GABRB1: variants seen among roughly 807,000 people sequenced by gnomAD.
The protein encoded by GABRB1 is gamma-aminobutyric acid receptor subunit beta-1.
A neutral mutation model predicts 51.6 loss-of-function variants in GABRB1; 17 were observed. The observed-to-expected ratio is 0.33, with a 90% CI of 0.23 to 0.49. The LOEUF is 0.49. Among genes scored for constraint, GABRB1 ranks in the 20% least tolerant of loss-of-function variants. The probability of loss-of-function intolerance (pLI) is 0.99; values close to 1 mark genes in which losing one functional copy is unlikely to be tolerated. For synonymous variants in GABRB1, 247 were observed against 218.9 expected, an observed-to-expected ratio of 1.13 and a Z score of -1.14; for missense variants, 410 against 600.6, an observed-to-expected ratio of 0.68 and a Z score of 3.32.
chr4:47,016,638 G>T (rs1724751481), intron 1 of GABRB1, among the ~76,000 whole-genome samples: 1 of 151,966 alleles, frequency 6.6e-6, no homozygotes, highest in Non-Finnish European at 1.5e-5. Context: ...ACCCAGGCTG[G>T]AGTGCAGTGG....
In GABRB1 at chr4:47,224,783, T is replaced by G. The variant is rs79993221; in HGVS notation, c.461+63314T>G. Among the ~76,000 whole-genome samples, 42 of 152,260 alleles carry G rather than the reference T, an allele frequency of 2.8e-4. 1 individual carries two copies. In the East Asian group the frequency reaches 7.6e-3, roughly 27 times the overall value. On this transcript the variant is annotated intron_variant, in intron 4 of 8. Coordinates refer to ENST00000295454, the MANE Select transcript of GABRB1 (RefSeq NM_000812.4). ...TATATAAGCCCCCATGTCCCCTTCC[T>G]TTTCTTTGAGACATTTCTCTTTAAT...
intron 4 of GABRB1, among the ~76,000 whole-genome samples, chr4:47,166,411 T>C (rs1291707028): frequency 3.9e-5 from 6 of 152,080 alleles, no homozygotes; most frequent in South Asian, 2.1e-4. Flanking sequence ...GTGTGAAGAC[T>C]ATGAGGATGA....
upstream of GABRB1, among the ~76,000 whole-genome samples, chr4:47,027,198 C>T: frequency 6.6e-6 from 1 of 151,458 alleles, no homozygotes; most frequent in Non-Finnish European, 1.5e-5. Context: ...ATTTATTTGG[C>T]TAGAATTATA....
chr4:47,222,330 T>C (rs1187904268), intron 4 of GABRB1, among the ~76,000 whole-genome samples: 1 of 152,156 alleles, frequency 6.6e-6, no homozygotes, highest in East Asian at 1.9e-4. Context: ...TGTGGCACGT[T>C]GCTACAGTAA....
chr4:47,130,515 A>T (rs1280675649), intron 3 of GABRB1, among the ~76,000 whole-genome samples: 1 of 152,068 alleles, frequency 6.6e-6, no homozygotes, highest in African/African-American at 2.4e-5. Flanking sequence ...TGCTGTATTT[A>T]TTCTGGCTCT....
At chr4:47,149,355 T>C (rs1373148663) in intron 3 of GABRB1, among the ~76,000 whole-genome samples, 1 of 152,054 alleles carries the variant, frequency 6.6e-6, no homozygotes, top group Non-Finnish European at 1.5e-5. Flanking sequence ...GTTTTTAAAG[T>C]TTGTTAGGAC....
At chr4:47,391,772 G>T (rs961632241) in intron 5 of GABRB1, among the ~76,000 whole-genome samples, 1 of 152,112 alleles carries the variant, frequency 6.6e-6, no homozygotes, top group African/African-American at 2.4e-5. Flanking sequence ...ACTCTAAGCA[G>T]CAAACAATAT....
intron 4 of GABRB1, among the ~76,000 whole-genome samples, chr4:47,282,183 T>A (rs1028998986): frequency 6.6e-6 from 1 of 152,226 alleles, no homozygotes; most frequent in East Asian, 1.9e-4. Flanking sequence ...TAAAAATTTT[T>A]AAAAACTATA....
At chr4:47,322,120 G>GT (rs1465372350) in intron 5 of GABRB1, among the ~76,000 whole-genome samples, 5 of 152,108 alleles carry the variant, frequency 3.3e-5, no homozygotes, top group Admixed American at 6.6e-5. Flanking sequence ...TGTAACTTTT[G>GT]TGGGGAAGGG....
At chr4:47,107,616 A>T (rs1230872519) in intron 3 of GABRB1, among the ~76,000 whole-genome samples, 1 of 151,950 alleles carries the variant, frequency 6.6e-6, no homozygotes, top group Non-Finnish European at 1.5e-5. Context: ...AATAATATCA[A>T]CTCCTTAAAG....
intron 3 of GABRB1, among the ~76,000 whole-genome samples, chr4:47,114,112 C>T (rs1420107526): frequency 2.0e-5 from 3 of 152,184 alleles, no homozygotes; most frequent in African/African-American, 7.2e-5. Context: ...TACCACATCC[C>T]ACCAGAATCA....
At chr4:47,199,170 G>A (rs1044756739) in intron 4 of GABRB1, among the ~76,000 whole-genome samples, 3 of 152,086 alleles carry the variant, frequency 2.0e-5, no homozygotes, top group African/African-American at 2.4e-5. Flanking sequence ...AGAGATAATT[G>A]GAGGAGAAAC....
intron 4 of GABRB1, among the ~76,000 whole-genome samples, chr4:47,306,147 AAG>A (rs1373439048): frequency 1.3e-5 from 2 of 152,088 alleles, no homozygotes; most frequent in African/African-American, 4.8e-5. Flanking sequence ...CCTTTAAAGA[AAG>A]AACAATGGAA....
chr4:47,030,856 G>A (rs1417607602), upstream of GABRB1, among the ~76,000 whole-genome samples: 1 of 151,946 alleles, frequency 6.6e-6, no homozygotes, highest in Non-Finnish European at 1.5e-5. Flanking sequence ...TGCAGTGGAT[G>A]GCCCTAGAAA....
intron 4 of GABRB1, among the ~76,000 whole-genome samples, chr4:47,254,798 T>G (rs1170239621): frequency 2.6e-5 from 4 of 152,206 alleles, no homozygotes; most frequent in Non-Finnish European, 2.9e-5. Context: ...ATTATATAGT[T>G]AACCTTGAAT....
At chr4:47,007,587 T>C (rs1445933914) in intron 1 of GABRB1, among the ~76,000 whole-genome samples, 1 of 152,180 alleles carries the variant, frequency 6.6e-6, no homozygotes, top group African/African-American at 2.4e-5. Context: ...CATGTAACCT[T>C]ATCTCAAGTT....
intron 5 of GABRB1, among the ~76,000 whole-genome samples, chr4:47,376,927 T>C (rs759583441): frequency 6.6e-6 from 1 of 152,236 alleles, no homozygotes; most frequent in African/African-American, 2.4e-5. Flanking sequence ...AGTAGATGAA[T>C]GTTTCTTTTC....
intron 3 of GABRB1, among the ~76,000 whole-genome samples, chr4:47,038,721 C>T (rs1441540851): frequency 3.9e-5 from 6 of 152,132 alleles, no homozygotes. Context: ...CTTCATAGCA[C>T]CTTCAAAACA....
intron 4 of GABRB1, among the ~76,000 whole-genome samples, chr4:47,211,472 A>G (rs765862217): frequency 3.3e-5 from 5 of 152,208 alleles, no homozygotes; most frequent in Non-Finnish European, 7.3e-5. Context: ...GACAGATGAC[A>G]TACTCAAACT....
Sources: allele counts gnomAD v4.1 joint callset (sites outside exome capture counted in the v4.1 genomes callset), GRCh38; gene constraint gnomAD v4.1.1; transcripts MANE v1.5; gene names NCBI Gene and HGNC (gene_info 2026-07-23, HGNC 2026-07-21).